The following PDK4 variants were observed in gnomAD, a reference collection of about 807,000 sequenced individuals.
PDK4 encodes the protein pyruvate dehydrogenase kinase 4, also known as pyruvate dehydrogenase kinase, isozyme 4.
PDK4 carries 43 observed loss-of-function variants against 51.7 expected under a neutral mutation model. That is an observed-to-expected ratio of 0.83 (90% CI 0.65 to 1.07). The LOEUF is 1.07. Ranked by LOEUF, PDK4 falls within the 50% of genes least tolerant of loss-of-function variation. The probability of loss-of-function intolerance (pLI) is 0.00; values close to 1 mark genes in which losing one functional copy is unlikely to be tolerated. For synonymous variants in PDK4, 170 were observed against 176.6 expected (o/e 0.96, Z 0.30); for missense variants, 498 against 503.5 (o/e 0.99, Z 0.10).
Position 95,587,821 on chromosome 7 carries a change from G to T in PDK4, c.776C>A (p.Ala259Glu). 1 of 1,605,748 alleles carries T rather than the reference G, an allele frequency of 6.2e-7. No homozygotes were observed. Among genetic ancestry groups the T allele is most frequent in the Non-Finnish European group, 8.5e-7 (1 of 1,172,592 alleles). ...CTGGTGTTCAACTGTTGCCCGCATT[G>T]CATTCTAAAACAAAGCAAACCATAA... ...HHMLFELFKNAMRATVEHQEN... is the reference protein window; with the variant it reads ...HHMLFELFKNEMRATVEHQEN... The change falls in exon 8 of 11, where the codon GCA becomes GAA. Residue 259 changes from alanine to glutamate, a missense_variant. By Grantham distance (107) the Ala-to-Glu change is moderately radical. Transcript: ENST00000005178.
Position 95,595,060 on chromosome 7 carries a change from A to G in PDK4, c.235T>C (p.Leu79=), listed in dbSNP as rs1318803926. 4.3e-6 allele frequency: 7 copies of G among 1,612,506 alleles called. No individual in the cohort carries two copies. In the South Asian group the frequency reaches 7.7e-5, roughly 18 times the overall value. ...AATTGCACTGAAGAGGTATTTACTA[A>G]TTGGGTCGGGAGGATATCAATTTCC... is the stretch of plus-strand genomic sequence containing the variant. ...LKEIDILPTQ[L]VNTSSVQLVK... The change falls in exon 2 of 11, where the codon TTA becomes CTA. Residue 79 remains leucine (L), a synonymous_variant. Coordinates refer to ENST00000005178, the MANE Select transcript of PDK4 (RefSeq NM_002612.4).
chr7:95,591,666 A>G (rs1791553981), intron 6 of PDK4, among the ~76,000 whole-genome samples: 1 of 152,134 alleles, frequency 6.6e-6, no homozygotes, highest in Admixed American at 6.5e-5. Flanking sequence ...TATCCTCCCT[A>G]CTTCTGGTCT....
chr7:95,588,767 ATTTTTTGG>A (rs1157413792), intron 7 of PDK4, among the ~76,000 whole-genome samples: 1 of 152,128 alleles, frequency 6.6e-6, no homozygotes, highest in African/African-American at 2.4e-5. Flanking sequence ...GTGTTTTTCT[ATTTTTTGG>A]TTTAAGTTCA....
intron 7 of PDK4, among the ~76,000 whole-genome samples, chr7:95,588,715 C>A (rs532810074): frequency 6.6e-6 from 1 of 152,304 alleles, no homozygotes; most frequent in South Asian, 2.1e-4. Context: ...GCTTCCTTCT[C>A]TCCAATTCAG....
Position 95,587,443 on chromosome 7 carries a change from A to G in PDK4, c.956T>C (p.Met319Thr). ...CAAAGGAGCATTCCGGGAATTATCCATCACAGGCGTTGGTGCAGTGGAGTA... is the reference window on the plus strand; with the variant it reads ...CAAAGGAGCATTCCGGGAATTATCCGTCACAGGCGTTGGTGCAGTGGAGTA... ...YTYSTAPTPV[M>T]DNSRNAPLAG... is the part of the protein sequence containing the mutation. The change falls in exon 9 of 11, where the codon ATG (methionine) becomes ACG (threonine). Residue 319 changes from methionine to threonine, a missense_variant. Physicochemically the swap from Met to Thr is moderately conservative, Grantham distance 81. Transcript: ENST00000005178. The G allele has an allele frequency of 1.2e-6, 2 of 1,606,808 alleles. No homozygotes were observed. The highest frequency in any genetic ancestry group is 1.7e-6 in the Non-Finnish European group (2 of 1,173,268).
In PDK4 at chr7:95,585,142, C is replaced by T. The variant is rs1223324720; in HGVS notation, c.*499G>A. On this transcript the variant is annotated 3_prime_UTR_variant, in exon 11 of 11. Transcript: ENST00000005178. ...AACCTTATTTTAGTCACCAGCATTT[C>T]CTTCCATAGCACATAAATATGTTCA... The T allele has an allele frequency of 6.6e-6, 1 of 152,274 alleles. No individual in the cohort carries two copies. The highest frequency in any genetic ancestry group is 1.9e-4 in the East Asian group (1 of 5,206). The allele number at this position is 152,274 out of a possible 1,614,324, so 9.4% of individuals were successfully genotyped here.
In PDK4 at chr7:95,595,184, T is replaced by C; in HGVS notation, c.131-20A>G. ...CTGAACCTATAATAAATGAAATCAATTTAGTTTTGAGAAAAAGTGTGTCTA... is the reference window on the plus strand; with the variant it reads ...CTGAACCTATAATAAATGAAATCAACTTAGTTTTGAGAAAAAGTGTGTCTA... On this transcript the variant is annotated intron_variant, in intron 1 of 10. Coordinates refer to ENST00000005178, the MANE Select transcript of PDK4 (RefSeq NM_002612.4). 1.3e-6 allele frequency: 2 copies of C among 1,591,092 alleles called. No homozygotes were observed. The highest frequency in any genetic ancestry group is 1.7e-6 in the Non-Finnish European group (2 of 1,160,500).
intron 1 of PDK4, among the ~76,000 whole-genome samples, 167 bp from the exon 2 acceptor site, chr7:95,595,331 G>A (rs539643494): frequency 6.6e-6 from 1 of 152,276 alleles, no homozygotes; most frequent in East Asian, 1.9e-4. Flanking sequence ...CTCCTTAATT[G>A]ACTAATTCCC....
In PDK4 at chr7:95,583,939, T is replaced by A; in HGVS notation, c.*1702A>T. ...CTCCCACCATTAAGAAATGTCACTG[T>A]CTAGGACTTCTGATGATAAAAACTG... is the stretch of plus-strand genomic sequence containing the variant. On this transcript the variant is annotated 3_prime_UTR_variant, in exon 11 of 11. Transcript: ENST00000005178. The A allele has an allele frequency of 6.6e-6, 1 of 152,296 alleles. No individual in the cohort carries two copies. Among genetic ancestry groups the A allele is most frequent in the East Asian group, 1.9e-4 (1 of 5,202 alleles). The allele number at this position is 152,296 out of a possible 1,614,324, so 9.4% of individuals were successfully genotyped here.
chr7:95,593,624 G>C (rs1584124485), intron 3 of PDK4, 75 bp downstream of exon 3: 2 of 751,522 alleles, frequency 2.7e-6, no homozygotes, highest in East Asian at 5.0e-5. Context: ...CTTTAATTTA[G>C]GTCTAAAAAT....
chr7:95,595,047 G>A lies in PDK4; in HGVS notation c.248C>T (p.Ser83Phe). 1 of 1,611,624 alleles carries A rather than the reference G, an allele frequency of 6.2e-7. No homozygotes were observed. Among genetic ancestry groups the A allele is most frequent in the South Asian group, 1.1e-5 (1 of 90,796 alleles). ...DILPTQLVNT[S>F]SVQLVKSWYI... ...CCAGCTTTTAACCAATTGCACTGAA[G>A]AGGTATTTACTAATTGGGTCGGGAG... The change falls in exon 2 of 11, where the codon TCT becomes TTT. Residue 83 changes from serine to phenylalanine, a missense_variant. Physicochemically the swap from Ser to Phe is radical, Grantham distance 155. Coordinates refer to ENST00000005178, the MANE Select transcript of PDK4 (RefSeq NM_002612.4).
Position 95,596,237 on chromosome 7 carries a change from C to A in PDK4, c.57G>T (p.Leu19=). 6.3e-7 allele frequency: 1 copy of A among 1,599,820 alleles called. No homozygotes were observed. Among genetic ancestry groups the A allele is most frequent in the East Asian group, 2.3e-5 (1 of 43,428 alleles). ...RSAGSLNGAG[L]VPREVEHFSR... ...AGAAATGCTCCACCTCTCGGGGCAC[C>A]AGGCCGGCGCCGTTGAGCGAGCCAG... Residue 19 remains leucine (L), a synonymous_variant, in exon 1 of 11, where the codon CTG becomes CTT. Coordinates refer to ENST00000005178, the MANE Select transcript of PDK4 (RefSeq NM_002612.4).
In PDK4 at chr7:95,592,501, C is replaced by T; in HGVS notation, c.616+10G>A. On this transcript the variant is annotated intron_variant, in intron 5 of 10. Transcript: ENST00000005178. Reference sequence around the variant, plus strand: ...TTTCAATAAGGGAAGTGCAGAAATACAGAACATACCTTGGACCACTGCTAC... The same window carrying T: ...TTTCAATAAGGGAAGTGCAGAAATATAGAACATACCTTGGACCACTGCTAC... 6.6e-7 allele frequency: 1 copy of T among 1,519,230 alleles called. No homozygotes were observed. The highest frequency in any genetic ancestry group is 9.1e-7 in the Non-Finnish European group (1 of 1,093,886). 94.1% of individuals were successfully genotyped at this position (1,519,230 alleles called of 1,614,324 possible). A position where few individuals can be genotyped will look rare whatever the true frequency, so the allele number is the denominator to read the frequency against.
Position 95,584,358 on chromosome 7 carries a change from T to G in PDK4, c.*1283A>C, listed in dbSNP as rs1165415339. The G allele has an allele frequency of 6.8e-6, 1 of 146,584 alleles. No individual in the cohort carries two copies. The highest frequency in any genetic ancestry group is 2.8e-5 in the African/African-American group (1 of 36,182). The allele number at this position is 146,584 out of a possible 1,614,324, so 9.1% of individuals were successfully genotyped here. A position where few individuals can be genotyped will look rare whatever the true frequency, so the allele number is the denominator to read the frequency against. On this transcript the variant is annotated 3_prime_UTR_variant, in exon 11 of 11. Coordinates refer to ENST00000005178, the MANE Select transcript of PDK4 (RefSeq NM_002612.4). ...TCTTTCCTTCCTGCCTTCTTTCATT[T>G]TTCCATTTCTTCTTCTCTAAGAGTA...
intron 7 of PDK4, among the ~76,000 whole-genome samples, chr7:95,588,178 CA>C (rs1791510964): frequency 6.6e-6 from 1 of 152,116 alleles, no homozygotes; most frequent in South Asian, 2.1e-4. Context: ...GTTTTACATC[CA>C]AGCACCAAAG....
chr7:95,594,224 A>G (rs1562839165), intron 2 of PDK4, among the ~76,000 whole-genome samples: 1 of 152,294 alleles, frequency 6.6e-6, no homozygotes, highest in East Asian at 1.9e-4. Flanking sequence ...TCTTGAATCA[A>G]TGAACAAAAG....
Position 95,595,183 on chromosome 7 carries a change from A to G in PDK4, c.131-19T>C. Reference sequence around the variant, plus strand: ...TCTGAACCTATAATAAATGAAATCAATTTAGTTTTGAGAAAAAGTGTGTCT... The same window carrying G: ...TCTGAACCTATAATAAATGAAATCAGTTTAGTTTTGAGAAAAAGTGTGTCT... On this transcript the variant is annotated intron_variant, in intron 1 of 10. Transcript: ENST00000005178. 1 of 1,594,014 alleles carries G rather than the reference A, an allele frequency of 6.3e-7. No homozygotes were observed. The highest frequency in any genetic ancestry group is 8.6e-7 in the Non-Finnish European group (1 of 1,163,110).
At chr7:95,585,962 A>G (rs17166962) in intron 10 of PDK4, among the ~76,000 whole-genome samples, 181 bp from the exon 11 acceptor site, 2,990 of 152,216 alleles carry the variant, frequency 0.02, 86 homozygotes, top group African/African-American at 0.059. Context: ...CTCTTTCTTA[A>G]TAGTTTGAAG....
At chr7:95,592,727 TC>T (rs1290363150) in intron 4 of PDK4, 32 bp downstream of exon 4, 2 of 1,547,094 alleles carry the variant, frequency 1.3e-6, no homozygotes, top group Non-Finnish European at 1.8e-6. Flanking sequence ...TACACCCATG[TC>T]TATATACCAT....
Sources: gnomAD v4.1 joint callset for allele counts (sites outside exome capture counted in the v4.1 genomes callset) on GRCh38, gnomAD v4.1.1 for gene constraint, MANE v1.5 for transcripts, NCBI Gene and HGNC (gene_info 2026-07-23, HGNC 2026-07-21) for gene names.